SLC14A2: variants seen among roughly 807,000 people sequenced by gnomAD.
SLC14A2 encodes solute carrier family 14 member 2.
In SLC14A2, 91 loss-of-function variants were observed where a neutral mutation model predicts 104.6. The observed-to-expected ratio is 0.87, with a 90% CI of 0.73 to 1.04. The LOEUF is 1.04. SLC14A2 is among the 50% of genes least tolerant of loss of function. The probability of loss-of-function intolerance (pLI) is 0.00; values close to 1 mark genes in which losing one functional copy is unlikely to be tolerated. For synonymous variants in SLC14A2, 476 were observed against 466.4 expected, an observed-to-expected ratio of 1.02 and a Z score of -0.27; for missense variants, 1,189 against 1,156.0, an observed-to-expected ratio of 1.03 and a Z score of -0.41.
intron 1 of SLC14A2, among the ~76,000 whole-genome samples, chr18:45,350,917 T>TG (rs1436097766): frequency 6.6e-6 from 1 of 152,224 alleles, no homozygotes; most frequent in Non-Finnish European, 1.5e-5. Flanking sequence ...TCACACTCAG[T>TG]GACCTAGTAA....
chr18:45,573,816 C>T (rs182323913), intron 2 of SLC14A2, among the ~76,000 whole-genome samples: 1 of 152,186 alleles, frequency 6.6e-6, no homozygotes, highest in Admixed American at 6.5e-5. Context: ...GCACAGAGTT[C>T]CTGCTCATCA....
chr18:45,205,581 A>G, the SLC14A2 span, among the ~76,000 whole-genome samples: 1 of 152,224 alleles, frequency 6.6e-6, no homozygotes, highest in Non-Finnish European at 1.5e-5. Flanking sequence ...ATGGAAAAAT[A>G]GATCGGGTAG....
chr18:45,636,831 A>G (rs191252514), intron 5 of SLC14A2, among the ~76,000 whole-genome samples, 159 bp from the exon 6 acceptor site: 6 of 152,332 alleles, frequency 3.9e-5, no homozygotes, highest in African/African-American at 1.4e-4. Flanking sequence ...ACCTTATTCT[A>G]TTCCCTATCC....
rs764577128 is a variant in SLC14A2 at position 45,632,443 on chromosome 18, G to C, written c.615G>C (p.Trp205Cys). 20 of 1,613,912 alleles carry C rather than the reference G, an allele frequency of 1.2e-5. No homozygotes were observed. Among genetic ancestry groups the C allele is most frequent in the Non-Finnish European group, 1.7e-5 (20 of 1,179,984 alleles). ...VFSEKLDYYWWLLFPVTFTAM... is the reference protein window; with the variant it reads ...VFSEKLDYYWCLLFPVTFTAM... ...CGGAGAAGTTAGACTACTACTGGTG[G>C]CTTCTGTTTCCTGTGACCTTCACAG... The change falls in exon 5 of 20, where the codon TGG becomes TGC. Residue 205 changes from tryptophan to cysteine, a missense_variant. Coordinates refer to ENST00000255226, the MANE Select transcript of SLC14A2 (RefSeq NM_007163.4).
intron 1 of SLC14A2, among the ~76,000 whole-genome samples, chr18:45,359,330 G>A (rs1018077483): frequency 3.3e-5 from 5 of 152,144 alleles, no homozygotes; most frequent in African/African-American, 1.2e-4. Flanking sequence ...CCCGTCTAGC[G>A]TTTGTTCCAG....
At chr18:45,488,771 A>G (rs1291474141) in intron 2 of SLC14A2, among the ~76,000 whole-genome samples, 2 of 152,174 alleles carry the variant, frequency 1.3e-5, no homozygotes, top group East Asian at 1.9e-4. Context: ...GCTGACCTCA[A>G]TGTTCAATCT....
intron 1 of SLC14A2, among the ~76,000 whole-genome samples, chr18:45,259,911 C>T (rs1404240533): frequency 6.6e-6 from 1 of 152,088 alleles, no homozygotes; most frequent in African/African-American, 2.4e-5. Flanking sequence ...AAAGCTTGAG[C>T]ATTGGGCTCA....
At position 45,668,490 on chromosome 18, in the gene SLC14A2, T is replaced by G; in HGVS notation, c.2036+13T>G. The G allele has an allele frequency of 6.2e-7, 1 of 1,614,118 alleles. No individual in the cohort carries two copies. The highest frequency in any genetic ancestry group is 2.2e-5 in the East Asian group (1 of 44,886). On this transcript the variant is annotated intron_variant, in intron 15 of 19. Transcript: ENST00000255226. The stretch of plus-strand genomic sequence containing the variant: ...TGTCCATGTCTTGGTAAGTTTGCTT[T>G]TGAAGGGTTGTGGGTTCATATCAAT...
At chr18:45,583,535 G>A (rs1325622799) in intron 2 of SLC14A2, among the ~76,000 whole-genome samples, 4 of 152,084 alleles carry the variant, frequency 2.6e-5, no homozygotes, top group Non-Finnish European at 4.4e-5. Context: ...AAACAGTTCC[G>A]TATACATGGT....
chr18:45,279,959 C>G (rs796096761), intron 1 of SLC14A2, among the ~76,000 whole-genome samples: 13 of 152,274 alleles, frequency 8.5e-5, no homozygotes, highest in African/African-American at 3.1e-4. Context: ...TCCCTGGTCT[C>G]TACTCACTCG....
chr18:45,542,035 G>GTTTTTTTAT (rs2043891857), intron 2 of SLC14A2, among the ~76,000 whole-genome samples: 1 of 54,206 alleles, frequency 1.8e-5, no homozygotes, highest in East Asian at 8.3e-4. Flanking sequence ...AAGAGAGAGG[G>GTTTTTTTAT]TTTTTTTTTT....
chr18:45,414,757 A>AAAAAAAAAAATATATATATATAT (rs1360051908), intron 1 of SLC14A2, among the ~76,000 whole-genome samples: 3 of 76,110 alleles, frequency 3.9e-5, no homozygotes, highest in African/African-American at 1.5e-4. Flanking sequence ...AAAAAAAAAA[A>AAAAAAAAAAATATATATATATAT]ATATATATAT....
intron 1 of SLC14A2, among the ~76,000 whole-genome samples, chr18:45,459,185 AC>A (rs1399634320): frequency 1.3e-5 from 2 of 152,014 alleles, no homozygotes; most frequent in Non-Finnish European, 2.9e-5. Context: ...GCCCTTCACC[AC>A]CGCCTGCCAG....
At chr18:45,593,788 C>T (rs1053602955) in intron 2 of SLC14A2, among the ~76,000 whole-genome samples, 6 of 152,136 alleles carry the variant, frequency 3.9e-5, no homozygotes, top group African/African-American at 1.4e-4. Flanking sequence ...CGCGCCCTGC[C>T]GCATTTCCTT....
chr18:45,322,583 A>C (rs1040054275), intron 1 of SLC14A2, among the ~76,000 whole-genome samples: 8 of 152,210 alleles, frequency 5.3e-5, no homozygotes, highest in Non-Finnish European at 1.5e-5. Context: ...AGGTCAGCAA[A>C]TGTCATTTCC....
At chr18:45,192,652 G>GTTTTGTTTTA in the SLC14A2 span, among the ~76,000 whole-genome samples, 1 of 147,024 alleles carries the variant, frequency 6.8e-6, no homozygotes, top group South Asian at 2.1e-4. Context: ...TTTTTGTTTT[G>GTTTTGTTTTA]TTTTGTTTTG....
At chr18:45,680,062 C>G (rs867767737) in intron 19 of SLC14A2, among the ~76,000 whole-genome samples, 1 of 152,188 alleles carries the variant, frequency 6.6e-6, no homozygotes, top group Non-Finnish European at 1.5e-5. Context: ...AGATAGTGAG[C>G]CTCTATGACA....
At chr18:45,481,870 C>T (rs2087499921) in intron 1 of SLC14A2, among the ~76,000 whole-genome samples, 1 of 152,144 alleles carries the variant, frequency 6.6e-6, no homozygotes, top group Admixed American at 6.5e-5. Context: ...AACAATGGTA[C>T]TTTGAAAATT....
intron 1 of SLC14A2, among the ~76,000 whole-genome samples, chr18:45,272,134 A>G (rs1345568634): frequency 1.3e-5 from 2 of 152,026 alleles, no homozygotes; most frequent in African/African-American, 4.8e-5. Flanking sequence ...ATCCTTTTAC[A>G]CTCTTGGTGG....
Sources: gnomAD v4.1 joint callset for allele counts (sites outside exome capture counted in the v4.1 genomes callset) on GRCh38, gnomAD v4.1.1 for gene constraint, MANE v1.5 for transcripts, NCBI Gene and HGNC (gene_info 2026-07-23, HGNC 2026-07-21) for gene names.